Variants in MAMSTR observed in about 807,000 individuals in gnomAD.
The protein encoded by MAMSTR is MEF2 activating motif and SAP domain containing transcriptional regulator.
A neutral mutation model predicts 42.7 loss-of-function variants in MAMSTR; 41 were observed. That is an observed-to-expected ratio of 0.96 (90% CI 0.75 to 1.25). MAMSTR has a LOEUF of 1.25. Among genes scored for constraint, MAMSTR ranks in the 50% most tolerant of loss-of-function variants. The pLI, the probability that MAMSTR is intolerant of heterozygous loss-of-function variation, is 0.00. For synonymous variants in MAMSTR, 265 were observed against 244.1 expected, an observed-to-expected ratio of 1.09 and a Z score of -0.80; for missense variants, 567 against 557.6, an observed-to-expected ratio of 1.02 and a Z score of -0.17.
chr19:48,707,826 CAAAGAAAGAAAGGAAAG>C, downstream of MAMSTR, among the ~76,000 whole-genome samples: 1 of 37,164 alleles, frequency 2.7e-5, no homozygotes, highest in African/African-American at 1.2e-4. Flanking sequence ...GAAAGAAAGA[CAAAGAAAGAAAGGAAAG>C]AAAGAAAGAA....
chr19:48,714,491 C>T lies in MAMSTR; in HGVS notation c.598G>A (p.Glu200Lys). The change falls in exon 7 of 10, where the codon GAG becomes AAG. Residue 200 changes from glutamate (E) to lysine (K), a missense_variant. Coordinates refer to ENST00000318083, the MANE Select transcript of MAMSTR (RefSeq NM_001130915.2). ...PVSGTKSMLL[E>K]RMRGGAPPRE... ...GGCGGCGCGCCGCCGCGCATGCGCT[C>T]CAGGAGCATAGACTTGGTCCCCGAC... 1 of 1,423,404 alleles carries T rather than the reference C, an allele frequency of 7.0e-7. No individual in the cohort carries two copies. The allele number at this position is 1,423,404 out of a possible 1,614,324, so 88.2% of individuals were successfully genotyped here.
At chr19:48,707,838 GGAAAGAAAGAAAGAAAGAAAGAAAGAAA>G (rs4002470), downstream of MAMSTR, among the ~76,000 whole-genome samples, 21 of 90,994 alleles carry the variant, frequency 2.3e-4, no homozygotes, top group South Asian at 6.9e-3. Context: ...AAGAAAGAAA[GGAAAGAAAGAAAGAAAGAAAGAAAGAAA>G]GAAAGAAAGA....
intron 2 of MAMSTR, among the ~76,000 whole-genome samples, chr19:48,718,500 G>A (rs1000483030): frequency 2.1e-5 from 3 of 144,374 alleles, no homozygotes; most frequent in East Asian, 2.1e-4. Context: ...CGATTCTCCC[G>A]CCTCAACCTC....
At chr19:48,716,934 C>T (rs2033064341) in intron 2 of MAMSTR, 191 bp from the exon 3 acceptor site, 1 of 1,196,682 alleles carries the variant, frequency 8.4e-7, no homozygotes, top group Non-Finnish European at 1.0e-6. Flanking sequence ...CCTGCCAGCG[C>T]AGCGCCGCGG....
In MAMSTR at chr19:48,714,869, G is replaced by A; in HGVS notation, c.465C>T (p.Val155=). The A allele has an allele frequency of 6.2e-7, 1 of 1,612,306 alleles. No homozygotes were observed. The highest frequency in any genetic ancestry group is 8.5e-7 in the Non-Finnish European group (1 of 1,178,666). ...PSPLTPCPPG[V]PSPSPPPHKL... ...TGTGTGGGGGGGGCGAGGGGCTAGG[G>A]ACTCCTGGTGGGCAGGGAGTGAGGG... Residue 155 remains valine (V), a synonymous_variant, in exon 6 of 10, where the codon GTC becomes GTT. Coordinates refer to ENST00000318083, the MANE Select transcript of MAMSTR (RefSeq NM_001130915.2).
chr19:48,707,892 G>GAAAAGA (rs879932864), downstream of MAMSTR, among the ~76,000 whole-genome samples: 2 of 102,458 alleles, frequency 2.0e-5, no homozygotes, highest in Admixed American at 1.0e-4. Flanking sequence ...AGAAAGAAAA[G>GAAAAGA]AAAGAAAGAA....
intron 5 of MAMSTR, 51 bp downstream of exon 5, chr19:48,715,211 T>A (rs2032948409): frequency 6.7e-7 from 1 of 1,495,780 alleles, no homozygotes. Flanking sequence ...GGGAGGAGGA[T>A]GCTGGGACCT....
downstream of MAMSTR, among the ~76,000 whole-genome samples, chr19:48,711,305 C>T (rs561753092): frequency 1.3e-5 from 2 of 152,280 alleles, no homozygotes; most frequent in South Asian, 4.1e-4. Context: ...ATAGTGCTGA[C>T]ACTGCATGGA....
rs912737480 is a variant in MAMSTR, at chr19:48,719,645, T to A, written c.-22+34A>T. 6.6e-6 allele frequency: 1 copy of A among 151,074 alleles called. No homozygotes were observed. The highest frequency in any genetic ancestry group is 2.0e-4 in the East Asian group (1 of 5,044). The allele number at this position is 151,074 out of a possible 1,614,324, so 9.4% of individuals were successfully genotyped here. On this transcript the variant is annotated intron_variant, in intron 1 of 9. Transcript: ENST00000318083. The surrounding 1 kb of genome is among the most constrained non-coding windows in gnomAD (Gnocchi z 4.4). Reference sequence around the variant, plus strand: ...GAGAGGGGATAGAACCGTTGAGGAGTGCGCCCCCCCCGTCCACCCCAGGGG... The same window carrying A: ...GAGAGGGGATAGAACCGTTGAGGAGAGCGCCCCCCCCGTCCACCCCAGGGG...
chr19:48,715,188 A>C, intron 5 of MAMSTR, 74 bp downstream of exon 5: 8 of 1,353,368 alleles, frequency 5.9e-6, no homozygotes, highest in Non-Finnish European at 8.2e-6. Flanking sequence ...CTAATCTTGG[A>C]CTCGAGGTTT....
At position 48,713,946 on chromosome 19, in the gene MAMSTR, C is replaced by G. The variant is rs746393869; in HGVS notation, c.823G>C (p.Ala275Pro). 2 of 1,613,536 alleles carry G rather than the reference C, an allele frequency of 1.2e-6. No homozygotes were observed. ...CCTGAGGAAGGGGTCAGGGCTGGAG[C>G]TGCAGCAGGAGCCGGAGTGGGAGTT... ...APTPTPAPAAAPALTPSSGPG... is the reference protein window; with the variant it reads ...APTPTPAPAAPPALTPSSGPG... The change falls in exon 8 of 10, where the codon GCT (alanine) becomes CCT (proline). Residue 275 changes from alanine (A) to proline (P), a missense_variant. By Grantham distance (27) the Ala-to-Pro change is conservative. Transcript: ENST00000318083.
At chr19:48,710,230 G>A (rs1047943145), downstream of MAMSTR, among the ~76,000 whole-genome samples, 11 of 150,198 alleles carry the variant, frequency 7.3e-5, no homozygotes, top group East Asian at 1.8e-3. Context: ...TCAGCCTCCC[G>A]AGTAGCTGGA....
At chr19:48,707,734 C>G (rs1568463873), downstream of MAMSTR, among the ~76,000 whole-genome samples, 3 of 127,800 alleles carry the variant, frequency 2.3e-5, no homozygotes, top group East Asian at 2.2e-4. Context: ...GAGCGAAACT[C>G]AAGAGAGAGA....
chr19:48,714,059 G>A lies in MAMSTR; in HGVS notation c.724-14C>T, dbSNP rs780891751. ...GCTGGGCTTGACCTAGAGCAGCCAA[G>A]AGGGCGAGCGCCCATAAGCCATGCC... On this transcript the variant is annotated splice_polypyrimidine_tract_variant and intron_variant, in intron 7 of 9. Transcript: ENST00000318083. 1 of 1,559,592 alleles carries A rather than the reference G, an allele frequency of 6.4e-7. No homozygotes were observed. The highest frequency in any genetic ancestry group is 1.2e-5 in the South Asian group (1 of 82,606).
downstream of MAMSTR, among the ~76,000 whole-genome samples, chr19:48,712,438 T>G (rs1192885950): frequency 2.0e-5 from 3 of 151,596 alleles, no homozygotes; most frequent in Non-Finnish European, 4.4e-5. Context: ...TTTTTTTTTT[T>G]AAGATGGAGT....
the MAMSTR span, among the ~76,000 whole-genome samples, chr19:48,707,209 G>C: frequency 6.7e-6 from 1 of 148,894 alleles, no homozygotes; most frequent in African/African-American, 2.5e-5. Flanking sequence ...ACAAAGTCAA[G>C]AGATCAAGAC....
In MAMSTR at chr19:48,714,380, G is replaced by A. The variant is rs999932656; in HGVS notation, c.709C>T (p.Arg237Trp). The change falls in exon 7 of 10, where the codon CGG (arginine) becomes TGG (tryptophan). Residue 237 changes from arginine to tryptophan, a missense_variant. By Grantham distance (101) the Arg-to-Trp change is moderately radical (BLOSUM62 -3). Coordinates refer to ENST00000318083, the MANE Select transcript of MAMSTR (RefSeq NM_001130915.2). The part of the protein sequence containing the change: ...RLKPKALAAA[R>W]RQGSVKPSAA... ...CCCGCCCTCACCGAGCCCTGACGCC[G>A]GGCGGCTGCCAGGGCCTTGGGCTTG... 5 of 1,365,014 alleles carry A rather than the reference G, an allele frequency of 3.7e-6. No individual in the cohort carries two copies. The highest frequency in any genetic ancestry group is 2.0e-4 in the Middle Eastern group (1 of 5,062). 84.6% of individuals were successfully genotyped at this position (1,365,014 alleles called of 1,614,324 possible).
downstream of MAMSTR, among the ~76,000 whole-genome samples, chr19:48,708,776 G>C (rs1171531992): frequency 6.6e-6 from 1 of 152,158 alleles, no homozygotes; most frequent in Non-Finnish European, 1.5e-5. Flanking sequence ...TGAAAGACGA[G>C]TGCCCGAGAC....
At chr19:48,711,397 G>A (rs1343991173), downstream of MAMSTR, among the ~76,000 whole-genome samples, 3 of 152,204 alleles carry the variant, frequency 2.0e-5, no homozygotes, top group Non-Finnish European at 2.9e-5. Context: ...GTGCCATCTT[G>A]TATGTGCTAG....
Sources: gnomAD v4.1 joint callset for allele counts (sites outside exome capture counted in the v4.1 genomes callset) on GRCh38, gnomAD v4.1.1 for gene constraint, Gnocchi (gnomAD v3.1) non-coding constraint, MANE v1.5 for transcripts, NCBI Gene and HGNC (gene_info 2026-07-23, HGNC 2026-07-21) for gene names.